Variants in MTMR14 observed in about 807,000 individuals in gnomAD.
The protein encoded by MTMR14 is myotubularin related protein 14, also known as phosphatidylinositol-3,5-bisphosphate 3-phosphatase MTMR14.
A neutral mutation model predicts 86.3 loss-of-function variants in MTMR14; 48 were observed. The observed-to-expected ratio is 0.56, with a 90% CI of 0.44 to 0.71. The LOEUF (loss-of-function observed/expected upper bound fraction) is 0.71, where lower values mean the gene tolerates loss of function less well. MTMR14 is among the 30% of genes least tolerant of loss of function. MTMR14 has a pLI of 0.00. For synonymous variants in MTMR14, 366 were observed against 326.1 expected (o/e 1.12, Z -1.32); for missense variants, 780 against 834.6 (o/e 0.93, Z 0.81).
chr3:9,661,920 C>T (rs546806780), intron 2 of MTMR14, among the ~76,000 whole-genome samples: 1 of 151,960 alleles, frequency 6.6e-6, no homozygotes, highest in South Asian at 2.1e-4. Context: ...AACCCCGTCT[C>T]TACCAAAAAT....
chr3:9,677,343 G>A lies in MTMR14; in HGVS notation c.778G>A (p.Asp260Asn). 1 of 1,614,088 alleles carries A rather than the reference G, an allele frequency of 6.2e-7. No individual in the cohort carries two copies. The highest frequency in any genetic ancestry group is 8.5e-7 in the Non-Finnish European group (1 of 1,179,962). Residue 260 changes from aspartate (D) to asparagine (N), a missense_variant, in exon 8 of 19, where the codon GAT (aspartate) becomes AAT (asparagine). Asp to Asn is a conservative substitution (Grantham distance 23). Coordinates refer to ENST00000296003, the MANE Select transcript of MTMR14 (RefSeq NM_001077525.3). The surrounding 1 kb of genome is among the most constrained non-coding windows in gnomAD (Gnocchi z 4.2). ...PGCEFFKEYK[D>N]RDYMAEGLIF... Reference sequence around the variant, plus strand: ...CTGTGAATTTTTCAAGGAATATAAAGATCGGGATTACATGGCAGAAGGGCT... The same window carrying A: ...CTGTGAATTTTTCAAGGAATATAAAAATCGGGATTACATGGCAGAAGGGCT...
rs906072796 is a variant in MTMR14, at chr3:9,683,240, T to G, written c.960T>G (p.Ser320Arg). Residue 320 changes from serine to arginine, a missense_variant, in exon 10 of 19, where the codon AGT (serine) becomes AGG (arginine). Coordinates refer to ENST00000296003, the MANE Select transcript of MTMR14 (RefSeq NM_001077525.3). ...YLKLLLSLVN[S>R]DDDSGLLVHC... Reference sequence around the variant, plus strand: ...AGCTGCTGCTTTCCTTAGTTAACAGTGATGGTGAGTCTGTCTCCTCCAGAG... The same window carrying G: ...AGCTGCTGCTTTCCTTAGTTAACAGGGATGGTGAGTCTGTCTCCTCCAGAG... 6.2e-7 allele frequency: 1 copy of G among 1,614,164 alleles called. No homozygotes were observed. The highest frequency in any genetic ancestry group is 8.5e-7 in the Non-Finnish European group (1 of 1,179,996).
At chr3:9,697,952 G>GC (rs1024919778) in intron 18 of MTMR14, 86 bp downstream of exon 18, 2 of 1,585,950 alleles carry the variant, frequency 1.3e-6, no homozygotes, top group Non-Finnish European at 1.7e-6. Flanking sequence ...TAGGAATGAG[G>GC]CTGGCGCTCA....
rs575794848 is a variant in MTMR14, at chr3:9,677,731, G to A, written c.823-253G>A. On this transcript the variant is annotated intron_variant, in intron 8 of 18. Coordinates refer to ENST00000296003, the MANE Select transcript of MTMR14 (RefSeq NM_001077525.3). The surrounding 1 kb of genome is among the most constrained non-coding windows in gnomAD (Gnocchi z 4.2). ...AGGGGCAGGCTATGGGAAACCTGCCGGAAGCTGAACACATATTGATCTTGC... is the reference window on the plus strand; with the variant it reads ...AGGGGCAGGCTATGGGAAACCTGCCAGAAGCTGAACACATATTGATCTTGC... Among the ~76,000 whole-genome samples, 12 of 152,224 alleles carry A rather than the reference G, an allele frequency of 7.9e-5. No homozygotes were observed. The South Asian group carries it at 8.3e-4, about 11-fold the overall frequency.
chr3:9,661,084 C>T (rs968512608), intron 2 of MTMR14, among the ~76,000 whole-genome samples: 7 of 152,230 alleles, frequency 4.6e-5, no homozygotes, highest in Non-Finnish European at 7.3e-5. Context: ...AACTACTACA[C>T]GTCCCTGTGT....
At position 9,678,064 on chromosome 3, in the gene MTMR14, G is replaced by A; in HGVS notation, c.897+6G>A. 1 of 1,613,816 alleles carries A rather than the reference G, an allele frequency of 6.2e-7. No homozygotes were observed. Among genetic ancestry groups the A allele is most frequent in the East Asian group, 2.2e-5 (1 of 44,870 alleles). ...TTGACTGGAGCCAGTATCAGGTGAGGGGCCTGACTCAAGCATTGAGGGCAG... is the reference window on the plus strand; with the variant it reads ...TTGACTGGAGCCAGTATCAGGTGAGAGGCCTGACTCAAGCATTGAGGGCAG... On this transcript the variant is annotated splice_donor_region_variant and intron_variant, in intron 9 of 18. Coordinates refer to ENST00000296003, the MANE Select transcript of MTMR14 (RefSeq NM_001077525.3).
chr3:9,687,981 C>T (rs915582934), intron 14 of MTMR14, 90 bp downstream of exon 14: 13 of 1,086,006 alleles, frequency 1.2e-5, no homozygotes, highest in East Asian at 5.1e-5. Context: ...ACCTCATTCC[C>T]GCCCTGCCTC....
In MTMR14 at chr3:9,701,661, G is replaced by C; in HGVS notation, c.1770-129G>C. On this transcript the variant is annotated intron_variant, in intron 18 of 18. Transcript: ENST00000296003. This position sits in a 1 kb window ranked among gnomAD's most constrained non-coding sequence, Gnocchi z 4.2. ...CCTGAACCACAAGGATAGCATGGCC[G>C]TAGGACAGACACTGGCCTTGTACAG... 1 of 1,105,348 alleles carries C rather than the reference G, an allele frequency of 9.0e-7. No individual in the cohort carries two copies. Among genetic ancestry groups the C allele is most frequent in the Non-Finnish European group, 1.3e-6 (1 of 743,272 alleles). The allele number at this position is 1,105,348 out of a possible 1,614,324, so 68.5% of individuals were successfully genotyped here. A position where few individuals can be genotyped will look rare whatever the true frequency, so the allele number is the denominator to read the frequency against.
intron 2 of MTMR14, among the ~76,000 whole-genome samples, chr3:9,654,876 C>T (rs143762691): frequency 6.6e-6 from 1 of 152,282 alleles, no homozygotes; most frequent in East Asian, 1.9e-4. Flanking sequence ...CTGCCGTAGG[C>T]CAACTGGGGA....
At chr3:9,661,212 A>C (rs1415653745) in intron 2 of MTMR14, among the ~76,000 whole-genome samples, 1 of 152,166 alleles carries the variant, frequency 6.6e-6, no homozygotes, top group Non-Finnish European at 1.5e-5. Flanking sequence ...GCCCTCTAAA[A>C]CAGCACTCCC....
intron 2 of MTMR14, among the ~76,000 whole-genome samples, chr3:9,658,682 T>C (rs1485358521): frequency 6.6e-6 from 1 of 152,194 alleles, no homozygotes; most frequent in Non-Finnish European, 1.5e-5. Context: ...AACTACCTCA[T>C]CTGTAAAATT....
rs60351585 is a variant in MTMR14, at chr3:9,694,502, TTGGATGGATGGA to T, written c.1614-3191_1614-3180del. Among the ~76,000 whole-genome samples, 49 of 151,838 alleles carry T rather than the reference TTGGATGGATGGA, an allele frequency of 3.2e-4. 1 individual carries two copies. The highest frequency in any genetic ancestry group is 8.9e-4 in the African/African-American group (37 of 41,346). On this transcript the variant is annotated intron_variant, in intron 17 of 18. Transcript: ENST00000296003. Reference sequence around the variant, plus strand: ...ACAAAAGATAGATTAGATAGATAGATTGGATGGATGGATGGATGGATGGATGGATTGGGATGG... The same window carrying T: ...ACAAAAGATAGATTAGATAGATAGATTGGATGGATGGATGGATTGGGATGG...
chr3:9,666,730 G>C (rs936493759), intron 3 of MTMR14, among the ~76,000 whole-genome samples: 1 of 152,176 alleles, frequency 6.6e-6, no homozygotes, highest in Non-Finnish European at 1.5e-5. Context: ...GGGGAGCAGA[G>C]GTCAGAGGTT....
intron 1 of MTMR14, among the ~76,000 whole-genome samples, chr3:9,651,194 T>C (rs2047267228): frequency 6.6e-6 from 1 of 152,126 alleles, no homozygotes; most frequent in African/African-American, 2.4e-5. Flanking sequence ...CTCGAAATCC[T>C]GGGTTTGAGC....
chr3:9,650,261 C>T (rs2047202575), intron 1 of MTMR14: 2 of 455,122 alleles, frequency 4.4e-6, no homozygotes, highest in Non-Finnish European at 4.4e-6. Context: ...CCCACACTCC[C>T]TTTCAGTTCC....
In MTMR14 at chr3:9,650,352, G is replaced by T. The variant is rs1044350370; in HGVS notation, c.159+610G>T. 5 of 456,630 alleles carry T rather than the reference G, an allele frequency of 1.1e-5. No homozygotes were observed. In the Admixed American group the frequency reaches 1.2e-4, roughly 11 times the overall value. The allele number at this position is 456,630 out of a possible 1,614,324, so 28.3% of individuals were successfully genotyped here. A position where few individuals can be genotyped will look rare whatever the true frequency, so the allele number is the denominator to read the frequency against. ...GTCGTCTTATCGCCAGACCTGGAGGGCTTCCTGTCAGCTCAGGCCATCCCC... is the reference window on the plus strand; with the variant it reads ...GTCGTCTTATCGCCAGACCTGGAGGTCTTCCTGTCAGCTCAGGCCATCCCC... On this transcript the variant is annotated intron_variant, in intron 1 of 18. Coordinates refer to ENST00000296003, the MANE Select transcript of MTMR14 (RefSeq NM_001077525.3).
intron 10 of MTMR14, chr3:9,683,474 A>G (rs1190001618): frequency 5.5e-6 from 3 of 542,374 alleles, no homozygotes; most frequent in East Asian, 6.6e-5. Flanking sequence ...CTTACCATCT[A>G]TGCCGTGCAC....
rs929637223 is a variant in MTMR14 at position 9,691,224 on chromosome 3, G to A, written c.1613+1081G>A. 6.6e-5 allele frequency among the ~76,000 whole-genome samples: 10 copies of A among 152,352 alleles called. No individual in the cohort carries two copies. The East Asian group carries it at 1.9e-3, about 29-fold the overall frequency. ...AACTCTTCAGCTCAGAACACTGCCT[G>A]AGTGCTGGAGCTGAGCCTGTGAAAC... On this transcript the variant is annotated intron_variant, in intron 17 of 18. Transcript: ENST00000296003.
At chr3:9,686,944 G>A (rs1047666320) in intron 13 of MTMR14, among the ~76,000 whole-genome samples, 1 of 152,224 alleles carries the variant, frequency 6.6e-6, no homozygotes, top group South Asian at 2.1e-4. Flanking sequence ...CCTCCTGCCT[G>A]TGCCCACCTC....
Sources: allele counts gnomAD v4.1 joint callset (sites outside exome capture counted in the v4.1 genomes callset), GRCh38; gene constraint gnomAD v4.1.1; non-coding constraint Gnocchi (gnomAD v3.1); transcripts MANE v1.5; gene names NCBI Gene and HGNC (gene_info 2026-07-23, HGNC 2026-07-21).